CELF2: variants seen among roughly 807,000 people sequenced by gnomAD.
CELF2 encodes the protein CUG triplet repeat RNA-binding protein 2.
Under a neutral mutation model 62.6 loss-of-function variants are expected in CELF2, and 8 were observed. The ratio of observed to expected loss-of-function variants is 0.13; its 90% CI spans 0.07 to 0.23. CELF2 has a LOEUF of 0.23. CELF2 is among the 10% of genes least tolerant of loss of function. CELF2 has a pLI of 1.00. For missense variants in CELF2, 333 were observed against 671.0 expected, an observed-to-expected ratio of 0.50 and a Z score of 5.56; for synonymous variants, 258 against 250.0, an observed-to-expected ratio of 1.03 and a Z score of -0.30.
intron 1 of CELF2, among the ~76,000 whole-genome samples, chr10:11,082,539 G>C (rs2074288396): frequency 6.6e-6 from 1 of 152,214 alleles, no homozygotes; most frequent in South Asian, 2.1e-4. Flanking sequence ...GCTCTGAATA[G>C]AGAGTAACTA....
the CELF2 span, among the ~76,000 whole-genome samples, chr10:10,642,809 G>C: frequency 2.6e-5 from 4 of 152,260 alleles, no homozygotes; most frequent in African/African-American, 9.6e-5. Context: ...AGTGGGTGCA[G>C]GTGGAGCCCT....
rs145550828 is a variant in CELF2, at chr10:11,048,468, C to T, written c.74+30305C>T. On this transcript the variant is annotated intron_variant, in intron 1 of 12. Transcript: ENST00000633077. ...GGGTATTGTAGTTTAACTTTTAATT[C>T]CAGGATGGTTATTTGTGACAGTAAA... Among the ~76,000 whole-genome samples the T allele has an allele frequency of 3.4e-3, 517 of 152,256 alleles. 2 individuals are homozygous for T. Among genetic ancestry groups the T allele is most frequent in the Middle Eastern group, 6.8e-3 (2 of 294 alleles).
intron 1 of CELF2, among the ~76,000 whole-genome samples, chr10:10,828,793 G>A (rs1329823667): frequency 6.6e-6 from 1 of 152,186 alleles, no homozygotes; most frequent in Non-Finnish European, 1.5e-5. Context: ...AAGTACTTTA[G>A]TAAGCATTCA....
chr10:11,040,831 AT>A, intron 1 of CELF2, among the ~76,000 whole-genome samples: 1 of 152,172 alleles, frequency 6.6e-6, no homozygotes, highest in African/African-American at 2.4e-5. Context: ...AATATTCAAT[AT>A]TTTCAATATT....
chr10:10,633,777 A>G, the CELF2 span, among the ~76,000 whole-genome samples: 4 of 151,954 alleles, frequency 2.6e-5, no homozygotes, highest in African/African-American at 9.7e-5. Flanking sequence ...ATATTCCTGT[A>G]ATGAGTGAGG....
chr10:10,881,702 T>C (rs1485358766), intron 1 of CELF2, among the ~76,000 whole-genome samples: 1 of 152,234 alleles, frequency 6.6e-6, no homozygotes, highest in African/African-American at 2.4e-5. Flanking sequence ...GTGTGTCTTA[T>C]ACTGAAAGAG....
chr10:10,529,272 T>C, the CELF2 span, among the ~76,000 whole-genome samples: 4 of 152,150 alleles, frequency 2.6e-5, no homozygotes, highest in African/African-American at 9.7e-5. Context: ...GCTAATAAAC[T>C]CTTAAGCAGC....
intron 1 of CELF2, among the ~76,000 whole-genome samples, chr10:11,133,649 C>G (rs1421520033): frequency 6.6e-6 from 1 of 152,244 alleles, no homozygotes; most frequent in Non-Finnish European, 1.5e-5. Flanking sequence ...ATTTAATCCT[C>G]AGTACAATCC....
At chr10:11,026,409 T>G (rs2059216691) in intron 1 of CELF2, among the ~76,000 whole-genome samples, 1 of 152,188 alleles carries the variant, frequency 6.6e-6, no homozygotes, top group Non-Finnish European at 1.5e-5. Flanking sequence ...TGTTTTCTCT[T>G]TGGAACTCGG....
At chr10:10,734,111 A>G in the CELF2 span, among the ~76,000 whole-genome samples, 59 of 152,204 alleles carry the variant, frequency 3.9e-4, no homozygotes, top group African/African-American at 5.1e-4. Flanking sequence ...TTAGCTGCAT[A>G]GTCTTTGATC....
intron 2 of CELF2, among the ~76,000 whole-genome samples, chr10:10,935,997 CAAAAA>C (rs776115220): frequency 7.7e-6 from 1 of 129,842 alleles, no homozygotes; most frequent in Admixed American, 7.8e-5. Flanking sequence ...ACTAAAAATA[CAAAAA>C]AAAAAAAAAA....
chr10:10,629,875 AAG>A, the CELF2 span, among the ~76,000 whole-genome samples: 21,986 of 56,798 alleles, frequency 0.39, 5,653 homozygotes, highest in South Asian at 0.57. Context: ...AAAAAAAAAA[AAG>A]AAAAAAAAAA....
chr10:10,625,462 A>C, the CELF2 span, among the ~76,000 whole-genome samples: 3 of 151,032 alleles, frequency 2.0e-5, no homozygotes, highest in East Asian at 5.8e-4. Context: ...TCTGAAGCAC[A>C]GTAATAATGC....
chr10:11,164,110 A>G (rs2066373257), intron 1 of CELF2, among the ~76,000 whole-genome samples: 2 of 152,260 alleles, frequency 1.3e-5, no homozygotes. Flanking sequence ...GAGGCTCTGT[A>G]GGGGCAGCTT....
Position 10,817,751 on chromosome 10 carries a change from T to C in CELF2, c.53+18934T>C, listed in dbSNP as rs372402360. 6.6e-5 allele frequency among the ~76,000 whole-genome samples: 10 copies of C among 152,348 alleles called. No homozygotes were observed. The East Asian group carries it at 1.9e-3, about 29-fold the overall frequency. ...TGAACAGTTAGGTGGCTTCCAAATC[T>C]TAGCTATTGTAAACAGTGTTGCAAC... On this transcript the variant is annotated intron_variant, in intron 1 of 13. Coordinates refer to the CELF2 transcript ENST00000636488.
the CELF2 span, among the ~76,000 whole-genome samples, chr10:10,539,103 A>G: frequency 6.6e-6 from 1 of 152,238 alleles, no homozygotes; most frequent in Non-Finnish European, 1.5e-5. Flanking sequence ...CATCAGCCCT[A>G]AAGTAATTCT....
intron 1 of CELF2, chr10:11,092,285 C>T (rs2048525541): frequency 6.6e-6 from 1 of 152,200 alleles, no homozygotes; most frequent in Non-Finnish European, 1.5e-5. Flanking sequence ...TGTAATACAA[C>T]TTTCAGCTTC....
the CELF2 span, among the ~76,000 whole-genome samples, chr10:10,612,566 A>G: frequency 6.6e-6 from 1 of 152,240 alleles, no homozygotes; most frequent in East Asian, 1.9e-4. Context: ...GATGTTCTGC[A>G]GCAGAAGATG....
Position 11,297,432 on chromosome 10 carries a change from G to A in CELF2, c.976+8880G>A, listed in dbSNP as rs1323527725. ...GGGGACCAGGTGCAGAAAGCCTTGGGGTCTGTGCTTGTGGAACAGAGGGAC... is the reference window on the plus strand; with the variant it reads ...GGGGACCAGGTGCAGAAAGCCTTGGAGTCTGTGCTTGTGGAACAGAGGGAC... On this transcript the variant is annotated intron_variant, in intron 9 of 12. Transcript: ENST00000633077. This position sits in a 1 kb window ranked among gnomAD's most constrained non-coding sequence, Gnocchi z 4.4. Among the ~76,000 whole-genome samples the A allele has an allele frequency of 6.6e-6, 1 of 152,088 alleles. No homozygotes were observed. Among genetic ancestry groups the A allele is most frequent in the Non-Finnish European group, 1.5e-5 (1 of 68,018 alleles).
Sources: gnomAD v4.1 joint callset for allele counts (sites outside exome capture counted in the v4.1 genomes callset) on GRCh38, gnomAD v4.1.1 for gene constraint, Gnocchi (gnomAD v3.1) non-coding constraint, MANE v1.5 for transcripts, NCBI Gene and HGNC (gene_info 2026-07-23, HGNC 2026-07-21) for gene names.